LRRC4C: variants seen among roughly 807,000 people sequenced by gnomAD.
The protein encoded by LRRC4C is leucine rich repeat containing 4C.
A neutral mutation model predicts 33.6 loss-of-function variants in LRRC4C; 5 were observed. The observed-to-expected ratio is 0.15, with a 90% confidence interval of 0.08 to 0.31. The LOEUF (loss-of-function observed/expected upper bound fraction) is 0.31, where lower values mean the gene tolerates loss of function less well. Among genes scored for constraint, LRRC4C ranks in the 10% least tolerant of loss-of-function variants. LRRC4C has a pLI of 1.00. For synonymous variants in LRRC4C, 329 were observed against 302.0 expected (o/e 1.09, Z -0.93); for missense variants, 560 against 796.7 (o/e 0.70, Z 3.58).
At chr11:40,866,201 GTCTTTA>G (rs1954362026) in intron 2 of LRRC4C, among the ~76,000 whole-genome samples, 1 of 148,736 alleles carries the variant, frequency 6.7e-6, no homozygotes, top group Non-Finnish European at 1.5e-5. Flanking sequence ...AAGAAATGTG[GTCTTTA>G]TCTTTATTTC....
chr11:41,244,219 GAGA>G (rs892609184), intron 1 of LRRC4C, among the ~76,000 whole-genome samples: 1 of 138,324 alleles, frequency 7.2e-6, no homozygotes, highest in Non-Finnish European at 1.6e-5. Context: ...GAAAGAGAGA[GAGA>G]AGAAGGAAGA....
At chr11:40,804,178 C>G (rs1387027262) in intron 2 of LRRC4C, among the ~76,000 whole-genome samples, 1 of 152,128 alleles carries the variant, frequency 6.6e-6, no homozygotes, top group East Asian at 1.9e-4. Context: ...CTCATAGACT[C>G]CCCTTGCTTA....
chr11:40,547,461 G>T, intron 3 of LRRC4C, among the ~76,000 whole-genome samples: 1 of 152,014 alleles, frequency 6.6e-6, no homozygotes, highest in East Asian at 1.9e-4. Context: ...TTCCCTGAAC[G>T]AATATATCAG....
chr11:40,509,012 G>A (rs78458861), intron 3 of LRRC4C, among the ~76,000 whole-genome samples: 13,700 of 152,108 alleles, frequency 0.09, 775 homozygotes, highest in Middle Eastern at 0.15. Context: ...AAGCCAACGA[G>A]GAAATATATG....
intron 3 of LRRC4C, among the ~76,000 whole-genome samples, chr11:40,396,988 C>A (rs1398690609): frequency 6.6e-6 from 1 of 152,014 alleles, no homozygotes; most frequent in South Asian, 2.1e-4. Context: ...ACAGAACCAA[C>A]CAACATATTA....
intron 2 of LRRC4C, among the ~76,000 whole-genome samples, chr11:40,794,246 T>C (rs961748642): frequency 6.6e-6 from 1 of 152,032 alleles, no homozygotes. Flanking sequence ...AAGCAATACA[T>C]TCTGAGAGAC....
At chr11:40,784,696 A>G (rs1245790872) in intron 2 of LRRC4C, among the ~76,000 whole-genome samples, 1 of 152,200 alleles carries the variant, frequency 6.6e-6, no homozygotes, top group African/African-American at 2.4e-5. Flanking sequence ...GATTCATCCT[A>G]TCATAGCACA....
intron 1 of LRRC4C, among the ~76,000 whole-genome samples, chr11:40,998,557 T>C (rs1473156846): frequency 6.6e-6 from 1 of 152,142 alleles, no homozygotes; most frequent in Non-Finnish European, 1.5e-5. Context: ...GGAAAATGGA[T>C]TACATAATTA....
chr11:41,169,724 AG>A (rs1373365751), intron 1 of LRRC4C, among the ~76,000 whole-genome samples: 2 of 152,304 alleles, frequency 1.3e-5, no homozygotes, highest in Admixed American at 1.3e-4. Context: ...GTGGCCTTCA[AG>A]GAGATCCCAG....
intron 3 of LRRC4C, among the ~76,000 whole-genome samples, chr11:40,379,067 A>G (rs1484175582): frequency 6.6e-6 from 1 of 152,156 alleles, no homozygotes; most frequent in African/African-American, 2.4e-5. Flanking sequence ...GACCAATGTC[A>G]TAATCTTCTT....
At chr11:40,787,697 T>A (rs1220856833) in intron 2 of LRRC4C, among the ~76,000 whole-genome samples, 1 of 152,156 alleles carries the variant, frequency 6.6e-6, no homozygotes, top group Non-Finnish European at 1.5e-5. Context: ...TTTAAAAAGA[T>A]CCTATTAAAG....
At chr11:40,276,638 G>A (rs2136398290) in intron 4 of LRRC4C, among the ~76,000 whole-genome samples, 1 of 150,310 alleles carries the variant, frequency 6.7e-6, no homozygotes, top group Admixed American at 6.6e-5. Context: ...AAGTCATGTG[G>A]GAATTCAGGA....
chr11:40,259,787 C>T (rs1237600195), intron 4 of LRRC4C, among the ~76,000 whole-genome samples: 1 of 152,006 alleles, frequency 6.6e-6, no homozygotes, highest in Non-Finnish European at 1.5e-5. Context: ...GTTTTGGTAC[C>T]AGTACCATGC....
chr11:40,931,691 C>T (rs182013696), intron 2 of LRRC4C, among the ~76,000 whole-genome samples: 31 of 151,628 alleles, frequency 2.0e-4, no homozygotes, highest in African/African-American at 7.5e-4. Flanking sequence ...CATACATATG[C>T]GTAGATACTT....
chr11:41,232,542 C>T (rs1224437211), intron 1 of LRRC4C, among the ~76,000 whole-genome samples: 1 of 151,928 alleles, frequency 6.6e-6, no homozygotes, highest in Non-Finnish European at 1.5e-5. Flanking sequence ...AAACTCACAG[C>T]CTACATTTCA....
chr11:41,156,030 CT>C lies in LRRC4C; in HGVS notation c.-495-222308del, dbSNP rs1217441557. Among the ~76,000 whole-genome samples the C allele has an allele frequency of 6.6e-5, 10 of 152,186 alleles. No homozygotes were observed. In the East Asian group the frequency reaches 1.5e-3, roughly 23 times the overall value. ...TTTAGCATTTTGTGAACAGATTTTT[CT>C]GTTTTGTTATTCAGCTTTGTGTAGG... is the stretch of plus-strand genomic sequence containing the variant. On this transcript the variant is annotated intron_variant, in intron 1 of 6. Coordinates refer to ENST00000528697, the MANE Select transcript of LRRC4C (RefSeq NM_001258419.2).
At chr11:41,218,449 C>A (rs1162256638) in intron 1 of LRRC4C, among the ~76,000 whole-genome samples, 2 of 152,320 alleles carry the variant, frequency 1.3e-5, no homozygotes, top group Admixed American at 6.5e-5. Flanking sequence ...ACCTGTGATG[C>A]ACTCACTGCA....
intron 3 of LRRC4C, among the ~76,000 whole-genome samples, chr11:40,512,586 G>A (rs1955373083): frequency 6.6e-6 from 1 of 152,062 alleles, no homozygotes; most frequent in African/African-American, 2.4e-5. Context: ...TGAGACACTG[G>A]GAGAGCTGGG....
intron 3 of LRRC4C, among the ~76,000 whole-genome samples, chr11:40,561,429 T>TC (rs1491567997): frequency 7.3e-6 from 1 of 137,862 alleles, no homozygotes; most frequent in African/African-American, 2.8e-5. Context: ...TTTTTTTTTT[T>TC]TGAGACAGAG....
Sources: allele counts gnomAD v4.1 joint callset (sites outside exome capture counted in the v4.1 genomes callset), GRCh38; gene constraint gnomAD v4.1.1; transcripts MANE v1.5; gene names NCBI Gene and HGNC (gene_info 2026-07-23, HGNC 2026-07-21).